The following MDN1 variants were observed in gnomAD, a reference collection of about 807,000 sequenced individuals.
The protein encoded by MDN1 is midasin AAA ATPase 1, also known as midasin.
In MDN1, 266 loss-of-function variants were observed where a neutral mutation model predicts 669.2. The ratio of observed to expected loss-of-function variants is 0.40; its 90% CI spans 0.36 to 0.44. MDN1 has a LOEUF of 0.44. MDN1 is among the 20% of genes least tolerant of loss of function. The probability of loss-of-function intolerance (pLI) is 1.00; values close to 1 mark genes in which losing one functional copy is unlikely to be tolerated. For missense variants in MDN1, 5,940 were observed against 6,754.0 expected (o/e 0.88, Z 4.22); for synonymous variants, 2,385 against 2,457.1 (o/e 0.97, Z 0.87).
intron 95 of MDN1, among the ~76,000 whole-genome samples, chr6:89,651,324 CAAAAAAAAA>C (rs57142164): frequency 2.1e-5 from 2 of 94,630 alleles, no homozygotes; most frequent in South Asian, 3.7e-4. Flanking sequence ...GATTCCGTCT[CAAAAAAAAA>C]AAAAAAAAAA....
In MDN1 at chr6:89,695,567, G is replaced by C. The variant is rs777497718; in HGVS notation, c.9771+38C>G. The stretch of plus-strand genomic sequence containing the variant: ...TACAATAAGCAAACCCAGCACGTCA[G>C]GGAAGGAGCCCATGCTCCATACTCT... On this transcript the variant is annotated intron_variant, in intron 61 of 101. Transcript: ENST00000369393. This position sits in a 1 kb window ranked among gnomAD's most constrained non-coding sequence, Gnocchi z 4.1. 4.4e-5 allele frequency: 68 copies of C among 1,547,052 alleles called. No individual in the cohort carries two copies. In the South Asian group the frequency reaches 6.5e-4, roughly 15 times the overall value.
chr6:89,749,001 C>T (rs1816815292), intron 26 of MDN1, among the ~76,000 whole-genome samples: 1 of 151,690 alleles, frequency 6.6e-6, no homozygotes, highest in Non-Finnish European at 1.5e-5. Flanking sequence ...GAGGTCAAGG[C>T]TGCAATGAGC....
At chr6:89,654,781 C>G (rs1387280063) in intron 92 of MDN1, among the ~76,000 whole-genome samples, 1 of 152,152 alleles carries the variant, frequency 6.6e-6, no homozygotes, top group Non-Finnish European at 1.5e-5. Context: ...GGTAGATAAG[C>G]TAATTATCTT....
chr6:89,643,363 C>A lies in MDN1; in HGVS notation c.*642G>T, dbSNP rs1357464136. Reference sequence around the variant, plus strand: ...GAAAGAGGATACTGAAAAGCCACTTCATTTTTACACAGCCCAAGGATCGTT... The same window carrying A: ...GAAAGAGGATACTGAAAAGCCACTTAATTTTTACACAGCCCAAGGATCGTT... On this transcript the variant is annotated 3_prime_UTR_variant, in exon 102 of 102. Transcript: ENST00000369393. The A allele has an allele frequency of 6.6e-6, 1 of 152,216 alleles. No homozygotes were observed. 9.4% of individuals were successfully genotyped at this position (152,216 alleles called of 1,614,324 possible). A position where few individuals can be genotyped will look rare whatever the true frequency, so the allele number is the denominator to read the frequency against.
At chr6:89,709,111 G>A (rs985663154) in intron 50 of MDN1, among the ~76,000 whole-genome samples, 13 of 152,084 alleles carry the variant, frequency 8.5e-5, no homozygotes, top group African/African-American at 3.1e-4. Flanking sequence ...GGCTGCTGCT[G>A]CCCCACAATC....
chr6:89,784,715 A>G (rs573590982), intron 9 of MDN1, among the ~76,000 whole-genome samples: 1 of 152,328 alleles, frequency 6.6e-6, no homozygotes, highest in South Asian at 2.1e-4. Flanking sequence ...GAAAATTTGA[A>G]TATAATCTAA....
rs528496738 is a variant in MDN1 at position 89,756,404 on chromosome 6, C to A, written c.2703-14G>T. On this transcript the variant is annotated splice_polypyrimidine_tract_variant and intron_variant, in intron 19 of 101. Coordinates refer to ENST00000369393, the MANE Select transcript of MDN1 (RefSeq NM_014611.3). ...AGTTCTGTGAACCTGTAAAACAATA[C>A]ATAATAAACACTTTTTAGGAAGTTA... 3.2e-6 allele frequency: 4 copies of A among 1,234,286 alleles called. No individual in the cohort carries two copies. The South Asian group carries it at 4.0e-5, about 12-fold the overall frequency. 76.5% of individuals were successfully genotyped at this position (1,234,286 alleles called of 1,614,324 possible).
chr6:89,716,531 G>A (rs1422247337), intron 44 of MDN1, 119 bp downstream of exon 44: 5 of 1,102,092 alleles, frequency 4.5e-6, no homozygotes, highest in East Asian at 5.3e-5. Flanking sequence ...GGCTGAGGAC[G>A]CTTGCGTAAT....
At chr6:89,793,513 G>C (rs1477717263) in intron 5 of MDN1, among the ~76,000 whole-genome samples, 1 of 152,172 alleles carries the variant, frequency 6.6e-6, no homozygotes, top group Middle Eastern at 3.2e-3. Context: ...AGGAGTTCCA[G>C]ATCAGCACAG....
At chr6:89,723,943 G>C (rs914372826) in intron 38 of MDN1, among the ~76,000 whole-genome samples, 2 of 152,124 alleles carry the variant, frequency 1.3e-5, no homozygotes, top group African/African-American at 2.4e-5. Flanking sequence ...AAGAGATCAA[G>C]ACCATCCTGA....
intron 15 of MDN1, among the ~76,000 whole-genome samples, chr6:89,764,089 ATT>A (rs34619512): frequency 6.6e-6 from 1 of 152,146 alleles, no homozygotes; most frequent in Non-Finnish European, 1.5e-5. Flanking sequence ...GGTGATGCAC[ATT>A]TGTAGTCTCA....
chr6:89,683,685 C>T, intron 72 of MDN1, 146 bp downstream of exon 72: 1 of 651,348 alleles, frequency 1.5e-6, no homozygotes, highest in Non-Finnish European at 2.7e-6. Context: ...GTGTTGAAAG[C>T]AACATCAAAA....
In MDN1 at chr6:89,719,132, T is replaced by C; in HGVS notation, c.6057+4A>G. 6.2e-7 allele frequency: 1 copy of C among 1,612,968 alleles called. No individual in the cohort carries two copies. The highest frequency in any genetic ancestry group is 8.5e-7 in the Non-Finnish European group (1 of 1,178,918). On this transcript the variant is annotated splice_donor_region_variant and intron_variant, in intron 41 of 101. Transcript: ENST00000369393. ...AGGATAGAGGATTATCCTAGTCTCC[T>C]TACCTGAACATCATAGGGAGTGATA... is the stretch of plus-strand genomic sequence containing the variant.
chr6:89,648,068 G>A lies in MDN1; in HGVS notation c.16359C>T (p.Leu5453=). ...SDYSGSQILR[L]CKFQQKKTKI... ...TGGTTTTCTTTTGTTGGAATTTGCAGAGACGTAGAATCTGGGACCCAGAGT... is the reference window on the plus strand; with the variant it reads ...TGGTTTTCTTTTGTTGGAATTTGCAAAGACGTAGAATCTGGGACCCAGAGT... The change falls in exon 99 of 102, where the codon CTC becomes CTT. Residue 5453 remains leucine (L), a synonymous_variant. Transcript: ENST00000369393. 3.1e-6 allele frequency: 5 copies of A among 1,614,136 alleles called. No individual in the cohort carries two copies. Among genetic ancestry groups the A allele is most frequent in the Non-Finnish European group, 4.2e-6 (5 of 1,179,980 alleles).
intron 34 of MDN1, among the ~76,000 whole-genome samples, chr6:89,732,184 C>A (rs1190932996): frequency 1.3e-5 from 2 of 151,822 alleles, no homozygotes; most frequent in East Asian, 3.9e-4. Flanking sequence ...TTGCTAAAAA[C>A]CCTTTGTTTA....
intron 1 of MDN1, among the ~76,000 whole-genome samples, chr6:89,808,885 G>C (rs576141596): frequency 9.2e-5 from 14 of 152,278 alleles, no homozygotes; most frequent in Non-Finnish European, 1.5e-4. Context: ...TTTGGCAACA[G>C]AGCTAATCCA....
intron 91 of MDN1, 28 bp downstream of exon 91, chr6:89,656,672 C>G (rs559577809): frequency 7.3e-6 from 11 of 1,511,984 alleles, no homozygotes; most frequent in East Asian, 6.9e-5. Context: ...CTGCCTTCAC[C>G]TAAGTTTAGC....
At chr6:89,798,042 C>T (rs971431099) in intron 2 of MDN1, among the ~76,000 whole-genome samples, 7 of 151,816 alleles carry the variant, frequency 4.6e-5, no homozygotes, top group African/African-American at 1.2e-4. Flanking sequence ...ATTAGCCAGG[C>T]GTGGTGGCAG....
At chr6:89,731,020 G>C (rs1212259696) in intron 34 of MDN1, 97 bp from the exon 35 acceptor site, 5 of 1,092,992 alleles carry the variant, frequency 4.6e-6, no homozygotes, top group Non-Finnish European at 5.3e-6. Flanking sequence ...GAAAAAAGAG[G>C]CCTCAGCAAA....
Sources: gnomAD v4.1 joint callset for allele counts (sites outside exome capture counted in the v4.1 genomes callset) on GRCh38, gnomAD v4.1.1 for gene constraint, Gnocchi (gnomAD v3.1) non-coding constraint, MANE v1.5 for transcripts, NCBI Gene and HGNC (gene_info 2026-07-23, HGNC 2026-07-21) for gene names.